The following CEP83 variants were observed in gnomAD, a reference collection of about 807,000 sequenced individuals.
CEP83 encodes centrosomal protein 83.
Under a neutral mutation model 101.9 loss-of-function variants are expected in CEP83, and 70 were observed. That is an observed-to-expected ratio of 0.69 (90% CI 0.57 to 0.84). The LOEUF is 0.84. Ranked by LOEUF, CEP83 falls within the 40% of genes least tolerant of loss-of-function variation. The pLI is 0.00. For synonymous variants in CEP83, 264 were observed against 267.9 expected, an observed-to-expected ratio of 0.99 and a Z score of 0.14; for missense variants, 715 against 787.2, an observed-to-expected ratio of 0.91 and a Z score of 1.10.
At chr12:94,315,614 G>A (rs1180677185) in intron 14 of CEP83, among the ~76,000 whole-genome samples, 1 of 151,792 alleles carries the variant, frequency 6.6e-6, no homozygotes, top group Admixed American at 6.6e-5. Context: ...GTATTTTATA[G>A]TAGGAACTTT....
At chr12:94,300,794 CAG>C in the CEP83 span, 1 of 823,920 alleles carries the variant, frequency 1.2e-6, no homozygotes. Flanking sequence ...TTTGGCTAAG[CAG>C]AGTTGTATAC....
At chr12:94,333,045 C>CA (rs34900007) in intron 13 of CEP83, among the ~76,000 whole-genome samples, 29,202 of 73,018 alleles carry the variant, frequency 0.4, 5,011 homozygotes, top group South Asian at 0.47. Context: ...ATTTTAAGAC[C>CA]AAAAAAAAAA....
At chr12:94,335,511 A>T (rs913377160) in intron 12 of CEP83, 78 bp downstream of exon 12, 40 of 928,062 alleles carry the variant, frequency 4.3e-5, no homozygotes, top group Non-Finnish European at 5.6e-5. Flanking sequence ...TGATGGCAAA[A>T]TTTTTTTAAA....
rs1306227291 is a variant in CEP83, at chr12:94,398,048, G to A, written c.549+2802C>T. 2.6e-5 allele frequency among the ~76,000 whole-genome samples: 4 copies of A among 152,184 alleles called. No homozygotes were observed. In the East Asian group the frequency reaches 7.7e-4, roughly 29 times the overall value. On this transcript the variant is annotated intron_variant, in intron 6 of 16. Transcript: ENST00000397809. ...CATATAGAATACGAGTGGTGGACTGGTTTGTGGGTTTGAGGGTCTGGGTGG... is the reference window on the plus strand; with the variant it reads ...CATATAGAATACGAGTGGTGGACTGATTTGTGGGTTTGAGGGTCTGGGTGG...
rs145056244 is a variant in CEP83, at chr12:94,311,420, C to CCAGT, written c.1812-1317_1812-1314dup. Among the ~76,000 whole-genome samples the CCAGT allele has an allele frequency of 8.4e-4, 128 of 152,260 alleles. 1 individual carries two copies. The East Asian group carries it at 0.022, about 26-fold the overall frequency. ...AACCCCAATTTATGGCCATTTTTAGCCAGTCAGAAGCACGGGTTACAACTT... is the reference window on the plus strand; with the variant it reads ...AACCCCAATTTATGGCCATTTTTAGCCAGTCAGTCAGAAGCACGGGTTACAACTT... On this transcript the variant is annotated intron_variant, in intron 15 of 16. Coordinates refer to ENST00000397809, the MANE Select transcript of CEP83 (RefSeq NM_016122.3).
In CEP83 at chr12:94,446,164, T is replaced by C. The variant is rs140375937; in HGVS notation, c.-154-10837A>G. 1.6e-3 allele frequency among the ~76,000 whole-genome samples: 246 copies of C among 152,366 alleles called. 4 individuals are homozygous for C. The highest frequency in any genetic ancestry group is 0.013 in the Admixed American group (202 of 15,302). On this transcript the variant is annotated intron_variant, in intron 1 of 16. Coordinates refer to ENST00000397809, the MANE Select transcript of CEP83 (RefSeq NM_016122.3). ...CACTATGACCATTGTCACTCACTGG[T>C]TCACCAAAAATTAGGTAAGTAACTA...
intron 2 of CEP83, chr12:94,425,021 G>C: frequency 7.2e-7 from 1 of 1,384,998 alleles, no homozygotes; most frequent in Non-Finnish European, 1.0e-6. Flanking sequence ...GAGAAAGGGA[G>C]GGGGTAAGAA....
chr12:94,414,075 C>T (rs1403906531), intron 2 of CEP83, among the ~76,000 whole-genome samples: 1 of 152,038 alleles, frequency 6.6e-6, no homozygotes, highest in African/African-American at 2.4e-5. Flanking sequence ...GTTTTGGTTT[C>T]CTCTGAAATT....
chr12:94,297,169 C>T, the CEP83 span: 1 of 1,612,306 alleles, frequency 6.2e-7, no homozygotes, highest in Non-Finnish European at 8.5e-7. Context: ...GCTTTCTCTC[C>T]CTCTTTCTCT....
chr12:94,290,287 C>T, the CEP83 span, among the ~76,000 whole-genome samples: 2 of 152,200 alleles, frequency 1.3e-5, no homozygotes, highest in African/African-American at 4.8e-5. Flanking sequence ...CTCATAAACT[C>T]GGTGTCTGAG....
At chr12:94,332,398 C>T (rs2059262313) in intron 13 of CEP83, among the ~76,000 whole-genome samples, 1 of 152,000 alleles carries the variant, frequency 6.6e-6, no homozygotes, top group Non-Finnish European at 1.5e-5. Context: ...ATAGGCAGTA[C>T]TAATGAAAAT....
At chr12:94,427,590 T>C (rs556022628) in intron 2 of CEP83, among the ~76,000 whole-genome samples, 1 of 152,344 alleles carries the variant, frequency 6.6e-6, no homozygotes, top group African/African-American at 2.4e-5. Context: ...CCCCAAAGTA[T>C]GGTAATTCAA....
intron 11 of CEP83, among the ~76,000 whole-genome samples, chr12:94,350,050 T>A (rs1293680769): frequency 6.6e-6 from 1 of 152,192 alleles, no homozygotes; most frequent in East Asian, 1.9e-4. Flanking sequence ...AGATTCAATA[T>A]TGTTGAGATG....
At chr12:94,268,290 A>C in the CEP83 span, among the ~76,000 whole-genome samples, 1 of 152,236 alleles carries the variant, frequency 6.6e-6, no homozygotes, top group Non-Finnish European at 1.5e-5. Context: ...CATGACACTA[A>C]CAAAGAGGCC....
chr12:94,291,882 G>C, the CEP83 span, among the ~76,000 whole-genome samples: 1 of 152,132 alleles, frequency 6.6e-6, no homozygotes, highest in Admixed American at 6.6e-5. Context: ...TACCCAACAG[G>C]AACTTTTTCA....
chr12:94,442,065 A>C (rs1222198476), intron 1 of CEP83, among the ~76,000 whole-genome samples: 1 of 152,168 alleles, frequency 6.6e-6, no homozygotes, highest in Non-Finnish European at 1.5e-5. Context: ...CAACTGCAAA[A>C]ATATGGAACC....
intron 6 of CEP83, among the ~76,000 whole-genome samples, chr12:94,393,570 C>G (rs1382484196): frequency 2.0e-5 from 3 of 152,202 alleles, no homozygotes; most frequent in African/African-American, 7.2e-5. Flanking sequence ...CAGCACAAGA[C>G]AAGGATGCCC....
intron 2 of CEP83, among the ~76,000 whole-genome samples, chr12:94,421,050 T>C (rs1593912062): frequency 1.3e-5 from 2 of 152,146 alleles, no homozygotes; most frequent in South Asian, 2.1e-4. Flanking sequence ...TTATAATTCA[T>C]AATTTTTTTT....
At chr12:94,283,957 T>A in the CEP83 span, among the ~76,000 whole-genome samples, 1 of 151,866 alleles carries the variant, frequency 6.6e-6, no homozygotes, top group Non-Finnish European at 1.5e-5. Flanking sequence ...GTGGTGCACA[T>A]CTGTAATCCC....
Sources: allele counts gnomAD v4.1 joint callset (sites outside exome capture counted in the v4.1 genomes callset), GRCh38; gene constraint gnomAD v4.1.1; transcripts MANE v1.5; gene names NCBI Gene and HGNC (gene_info 2026-07-23, HGNC 2026-07-21).